HS6ST3: variants seen among roughly 807,000 people sequenced by gnomAD.
The protein encoded by HS6ST3 is heparan-sulfate 6-O-sulfotransferase 3.
Under a neutral mutation model 36.7 loss-of-function variants are expected in HS6ST3, and 12 were observed. That is an observed-to-expected ratio of 0.33 (90% CI 0.21 to 0.53). HS6ST3 has a LOEUF of 0.53. Among genes scored for constraint, HS6ST3 ranks in the 20% least tolerant of loss-of-function variants. The pLI, the probability that HS6ST3 is intolerant of heterozygous loss-of-function variation, is 0.95. For synonymous variants in HS6ST3, 240 were observed against 257.5 expected (o/e 0.93, Z 0.65); for missense variants, 584 against 640.9 (o/e 0.91, Z 0.96).
chr13:96,117,825 C>G (rs1196872322), intron 1 of HS6ST3, among the ~76,000 whole-genome samples: 1 of 151,788 alleles, frequency 6.6e-6, no homozygotes, highest in African/African-American at 2.4e-5. Context: ...TCTCCTGCCC[C>G]CAAATTTATG....
chr13:96,231,433 G>A (rs1031148209), intron 1 of HS6ST3, among the ~76,000 whole-genome samples: 1 of 152,134 alleles, frequency 6.6e-6, no homozygotes, highest in African/African-American at 2.4e-5. Context: ...AGAATGGTTG[G>A]GGAGGCCTCA....
At chr13:96,705,203 T>C (rs1359615697) in intron 1 of HS6ST3, among the ~76,000 whole-genome samples, 3 of 152,188 alleles carry the variant, frequency 2.0e-5, no homozygotes, top group African/African-American at 7.2e-5. Context: ...GACAAATGTA[T>C]AATGATTGGC....
chr13:96,404,942 T>A (rs1052418542), intron 1 of HS6ST3, among the ~76,000 whole-genome samples: 1 of 152,130 alleles, frequency 6.6e-6, no homozygotes, highest in African/African-American at 2.4e-5. Flanking sequence ...AGTGAATGAG[T>A]CTCACGAGAT....
intron 1 of HS6ST3, among the ~76,000 whole-genome samples, chr13:96,223,423 C>A (rs2054465130): frequency 1.3e-5 from 2 of 152,224 alleles, no homozygotes; most frequent in Admixed American, 1.3e-4. Flanking sequence ...TGGTTGCCTG[C>A]ACAGTGGCTT....
rs116045466 is a variant in HS6ST3, at chr13:96,632,266, A to T, written c.708-200224A>T. ...TGAGACATCAAATGCTGGTGCCTCA[A>T]TCTGGGACTTGCCACCTCCAGAACT... On this transcript the variant is annotated intron_variant, in intron 1 of 1. Transcript: ENST00000376705. 2.5e-3 allele frequency among the ~76,000 whole-genome samples: 380 copies of T among 151,990 alleles called. 1 individual carries two copies. The highest frequency in any genetic ancestry group is 8.8e-3 in the African/African-American group (366 of 41,454).
At chr13:96,319,582 A>G (rs919628787) in intron 1 of HS6ST3, among the ~76,000 whole-genome samples, 2 of 152,198 alleles carry the variant, frequency 1.3e-5, no homozygotes, top group African/African-American at 4.8e-5. Context: ...TTTTCCCCAA[A>G]GTGGCTGCAT....
At chr13:96,354,928 C>G (rs11616238) in intron 1 of HS6ST3, among the ~76,000 whole-genome samples, 1 of 152,076 alleles carries the variant, frequency 6.6e-6, no homozygotes, top group Non-Finnish European at 1.5e-5. Context: ...CCCCAACTAC[C>G]TAAATTATAT....
intron 1 of HS6ST3, among the ~76,000 whole-genome samples, chr13:96,135,279 C>G (rs532701639): frequency 2.6e-5 from 4 of 152,056 alleles, no homozygotes; most frequent in Non-Finnish European, 5.9e-5. Flanking sequence ...CAGTTATCAC[C>G]GTGGACTTTC....
intron 1 of HS6ST3, among the ~76,000 whole-genome samples, chr13:96,144,599 T>C (rs2054047360): frequency 6.6e-6 from 1 of 151,986 alleles, no homozygotes; most frequent in South Asian, 2.1e-4. Flanking sequence ...AGATGTGATC[T>C]TGAAGTTGCT....
chr13:96,669,105 G>A (rs1185216084), intron 1 of HS6ST3, among the ~76,000 whole-genome samples: 4 of 152,232 alleles, frequency 2.6e-5, no homozygotes, highest in African/African-American at 7.2e-5. Flanking sequence ...GACCTAAAAG[G>A]AAACTTGAAG....
chr13:96,158,607 C>G (rs570747544), intron 1 of HS6ST3, among the ~76,000 whole-genome samples: 1 of 137,602 alleles, frequency 7.3e-6, no homozygotes, highest in Non-Finnish European at 1.5e-5. Context: ...GAGCCATGAT[C>G]GCGCCATTGT....
At chr13:96,149,544 C>T (rs560340989) in intron 1 of HS6ST3, among the ~76,000 whole-genome samples, 1 of 152,246 alleles carries the variant, frequency 6.6e-6, no homozygotes, top group African/African-American at 2.4e-5. Context: ...CTGCCAGTGA[C>T]TCAGGGCATC....
intron 1 of HS6ST3, among the ~76,000 whole-genome samples, chr13:96,159,859 C>A (rs771882610): frequency 5.9e-5 from 9 of 152,146 alleles, no homozygotes; most frequent in Non-Finnish European, 1.0e-4. Context: ...GGGGCAGTGT[C>A]CACAGTGGGT....
intron 1 of HS6ST3, among the ~76,000 whole-genome samples, chr13:96,537,839 A>G (rs1273246580): frequency 3.3e-5 from 5 of 152,222 alleles, no homozygotes; most frequent in Admixed American, 2.6e-4. Flanking sequence ...TTTATAAATG[A>G]GAGTGGGAGA....
Position 96,725,663 on chromosome 13 carries a change from G to A in HS6ST3, c.708-106827G>A, listed in dbSNP as rs111338673. Among the ~76,000 whole-genome samples the A allele has an allele frequency of 1.1e-4, 17 of 151,394 alleles. 1 individual carries two copies. The highest frequency in any genetic ancestry group is 4.2e-4 in the African/African-American group (17 of 40,952). The stretch of plus-strand genomic sequence containing the variant: ...TTTGTTGAGAACACAGTTTTTCACT[G>A]AATTGCATGTGTGTGTGTGTGTGTG... On this transcript the variant is annotated intron_variant, in intron 1 of 1. Transcript: ENST00000376705.
intron 1 of HS6ST3, among the ~76,000 whole-genome samples, chr13:96,556,223 T>C (rs917911116): frequency 4.6e-5 from 7 of 152,216 alleles, no homozygotes; most frequent in African/African-American, 1.7e-4. Context: ...AGCAGGGCTT[T>C]CCTTGGTATT....
chr13:96,515,373 C>A lies in HS6ST3; in HGVS notation c.708-317117C>A, dbSNP rs113550957. Among the ~76,000 whole-genome samples the A allele has an allele frequency of 2.0e-3, 312 of 152,284 alleles. 1 individual carries two copies. Among genetic ancestry groups the A allele is most frequent in the Non-Finnish European group, 3.2e-3 (216 of 68,020 alleles). On this transcript the variant is annotated intron_variant, in intron 1 of 1. Transcript: ENST00000376705. The stretch of plus-strand genomic sequence containing the variant: ...ATTTGAAGCACTCAGTTAGCAAGCT[C>A]CTTGCTAATAGTAGGCATGAGGGGA...
chr13:96,629,861 A>G lies in HS6ST3; in HGVS notation c.708-202629A>G, dbSNP rs1443793470. Among the ~76,000 whole-genome samples the G allele has an allele frequency of 2.0e-5, 3 of 151,756 alleles. No individual in the cohort carries two copies. The East Asian group carries it at 5.8e-4, about 29-fold the overall frequency. Reference sequence around the variant, plus strand: ...TTTTTTCCTACCAATTTTATTCATTAGCTCCCCTAGAAATATCAGGTAGAG... The same window carrying G: ...TTTTTTCCTACCAATTTTATTCATTGGCTCCCCTAGAAATATCAGGTAGAG... On this transcript the variant is annotated intron_variant, in intron 1 of 1. Coordinates refer to ENST00000376705, the MANE Select transcript of HS6ST3 (RefSeq NM_153456.4).
chr13:96,614,940 A>G (rs537441897), intron 1 of HS6ST3, among the ~76,000 whole-genome samples: 1 of 152,274 alleles, frequency 6.6e-6, no homozygotes, highest in Non-Finnish European at 1.5e-5. Flanking sequence ...TATTTATAAT[A>G]TATCTTTTAA....
Sources: gnomAD v4.1 joint callset for allele counts (sites outside exome capture counted in the v4.1 genomes callset) on GRCh38, gnomAD v4.1.1 for gene constraint, MANE v1.5 for transcripts, NCBI Gene and HGNC (gene_info 2026-07-23, HGNC 2026-07-21) for gene names.